Variants in WDR7 observed in about 807,000 individuals in gnomAD.
WDR7 encodes WD repeat-containing protein 7.
WDR7 carries 46 observed loss-of-function variants against 169.4 expected under a neutral mutation model. The ratio of observed to expected loss-of-function variants is 0.27; its 90% confidence interval spans 0.21 to 0.35. The LOEUF (loss-of-function observed/expected upper bound fraction) is 0.35, where lower values mean the gene tolerates loss of function less well. Among genes scored for constraint, WDR7 ranks in the 10% least tolerant of loss-of-function variants. WDR7 has a pLI of 1.00. For synonymous variants in WDR7, 612 were observed against 666.8 expected (o/e 0.92, Z 1.27); for missense variants, 1,534 against 1,859.3 (o/e 0.83, Z 3.22).
intron 1 of WDR7, among the ~76,000 whole-genome samples, chr18:56,652,561 G>A (rs1437081915): frequency 6.6e-6 from 1 of 152,160 alleles, no homozygotes; most frequent in East Asian, 1.9e-4. Context: ...ATAATGTGTT[G>A]AAATGCCCTC....
chr18:56,821,338 A>G (rs1005119646), intron 20 of WDR7, among the ~76,000 whole-genome samples: 1 of 152,210 alleles, frequency 6.6e-6, no homozygotes, highest in African/African-American at 2.4e-5. Flanking sequence ...ACTTTGAAGT[A>G]GATACTAATA....
chr18:56,823,528 G>A (rs2045139597), intron 20 of WDR7, among the ~76,000 whole-genome samples: 1 of 152,172 alleles, frequency 6.6e-6, no homozygotes, highest in Admixed American at 6.5e-5. Flanking sequence ...GGAGGTTGCA[G>A]TGAGCTGAGA....
At chr18:56,711,425 T>G (rs2026084000) in intron 12 of WDR7, among the ~76,000 whole-genome samples, 1 of 152,110 alleles carries the variant, frequency 6.6e-6, no homozygotes, top group Non-Finnish European at 1.5e-5. Context: ...AAATACATGT[T>G]TTTTCTTTGA....
intron 3 of WDR7, among the ~76,000 whole-genome samples, chr18:56,680,063 A>G (rs1159666129): frequency 6.6e-6 from 1 of 152,168 alleles, no homozygotes; most frequent in Non-Finnish European, 1.5e-5. Context: ...AGAGAATTAT[A>G]TAAGAAATTG....
At chr18:56,712,782 T>C (rs1030900309) in intron 12 of WDR7, among the ~76,000 whole-genome samples, 1 of 151,964 alleles carries the variant, frequency 6.6e-6, no homozygotes, top group Non-Finnish European at 1.5e-5. Context: ...AGTCAGTTGA[T>C]AGCAGCGGTT....
intron 19 of WDR7, among the ~76,000 whole-genome samples, chr18:56,802,828 G>A (rs909118304): frequency 6.6e-6 from 1 of 151,254 alleles, no homozygotes; most frequent in Non-Finnish European, 1.5e-5. Flanking sequence ...AGTCCAATTA[G>A]TTTTTCTTTT....
intron 21 of WDR7, among the ~76,000 whole-genome samples, chr18:56,917,872 A>G (rs539713932): frequency 3.9e-5 from 6 of 152,172 alleles, no homozygotes; most frequent in Non-Finnish European, 7.4e-5. Context: ...AAAAAGTACA[A>G]TTAAAGTTGG....
At position 56,844,382 on chromosome 18, in the gene WDR7, C is replaced by A. The variant is rs139336930; in HGVS notation, c.3304+28238C>A. Among the ~76,000 whole-genome samples, 721 of 152,178 alleles carry A rather than the reference C, an allele frequency of 4.7e-3. 7 individuals carry two copies. Among genetic ancestry groups the A allele is most frequent in the African/African-American group, 0.016 (654 of 41,524 alleles). On this transcript the variant is annotated intron_variant, in intron 20 of 27. Transcript: ENST00000254442. ...CCTATTATTAGAATAAATTTTTCCTCATTGGTATACAATTTCTCAACTTCA... is the reference window on the plus strand; with the variant it reads ...CCTATTATTAGAATAAATTTTTCCTAATTGGTATACAATTTCTCAACTTCA...
chr18:57,010,657 G>T (rs2048123452), intron 26 of WDR7, among the ~76,000 whole-genome samples: 1 of 152,000 alleles, frequency 6.6e-6, no homozygotes, highest in African/African-American at 2.4e-5. Context: ...AACATGCAAA[G>T]AAAAGACATA....
intron 20 of WDR7, among the ~76,000 whole-genome samples, chr18:56,864,751 G>A (rs1167191274): frequency 6.6e-6 from 1 of 151,786 alleles, no homozygotes; most frequent in Non-Finnish European, 1.5e-5. Flanking sequence ...ATTGAGATAT[G>A]AATAGCATTG....
chr18:56,938,560 A>G lies in WDR7; in HGVS notation c.3859A>G (p.Asn1287Asp), dbSNP rs749044915. 4 of 1,613,876 alleles carry G rather than the reference A, an allele frequency of 2.5e-6. No homozygotes were observed. Among genetic ancestry groups the G allele is most frequent in the Non-Finnish European group, 3.4e-6 (4 of 1,179,898 alleles). Reference sequence around the variant, plus strand: ...ACACAGACATACGGCTCTTGCAGCAAATACCCAATCACAGCAGAATATGCA... The same window carrying G: ...ACACAGACATACGGCTCTTGCAGCAGATACCCAATCACAGCAGAATATGCA... ...EVHRHTALAA[N>D]TQSQQNMHTT... Residue 1287 changes from asparagine to aspartate, a missense_variant, in exon 24 of 28, where the codon AAT (asparagine) becomes GAT (aspartate). By Grantham distance (23) the Asn-to-Asp change is conservative. Coordinates refer to ENST00000254442, the MANE Select transcript of WDR7 (RefSeq NM_015285.3).
At chr18:56,897,800 AAAAAG>A (rs1476957469) in intron 21 of WDR7, among the ~76,000 whole-genome samples, 3 of 152,048 alleles carry the variant, frequency 2.0e-5, no homozygotes, top group African/African-American at 7.2e-5. Flanking sequence ...ACAATTAAGG[AAAAAG>A]AAAAGGGTAG....
Position 56,681,455 on chromosome 18 carries a change from T to G in WDR7, c.345+64T>G, listed in dbSNP as rs187431598. On this transcript the variant is annotated intron_variant, in intron 4 of 27. Coordinates refer to ENST00000254442, the MANE Select transcript of WDR7 (RefSeq NM_015285.3). Reference sequence around the variant, plus strand: ...ATAAGTATATAATTTAAAATATTTTTAAAACATTGAGCCTATATTTTTATA... The same window carrying G: ...ATAAGTATATAATTTAAAATATTTTGAAAACATTGAGCCTATATTTTTATA... The G allele has an allele frequency of 8.5e-4, 908 of 1,066,590 alleles. 1 individual carries two copies. Among genetic ancestry groups the G allele is most frequent in the Non-Finnish European group, 1.0e-3 (807 of 772,920 alleles). The allele number at this position is 1,066,590 out of a possible 1,614,324, so 66.1% of individuals were successfully genotyped here.
At chr18:56,852,628 A>T (rs1009307680) in intron 20 of WDR7, among the ~76,000 whole-genome samples, 7 of 152,160 alleles carry the variant, frequency 4.6e-5, no homozygotes, top group African/African-American at 1.7e-4. Flanking sequence ...AGAATACTCA[A>T]ACTTTTAAGC....
chr18:57,001,858 A>G (rs2047985462), intron 26 of WDR7, among the ~76,000 whole-genome samples: 1 of 152,158 alleles, frequency 6.6e-6, no homozygotes, highest in African/African-American at 2.4e-5. Context: ...CTGTATTTCA[A>G]TCTGTTTCCT....
At chr18:57,017,742 ATTG>A (rs2048227916) in intron 26 of WDR7, among the ~76,000 whole-genome samples, 2 of 152,162 alleles carry the variant, frequency 1.3e-5, no homozygotes, top group South Asian at 4.1e-4. Context: ...TTATGTAATT[ATTG>A]TTACATGATA....
chr18:56,651,744 CG>C (rs752912261), intron 1 of WDR7, 168 bp downstream of exon 1: 1 of 152,376 alleles, frequency 6.6e-6, no homozygotes, highest in Non-Finnish European at 1.5e-5. Flanking sequence ...CAAAAGTAGG[CG>C]CCGTTACCAA....
In WDR7 at chr18:56,794,304, A is replaced by ATTTTTTTTTTTTTTTTTTTTTT; in HGVS notation, c.3190+12650_3190+12671dup. ...GTTTGTGTCTTAAAAGGTAAAGTCTATTTTTTTTTTTTTTTTTTTTTTTGA... is the reference window on the plus strand; with the variant it reads ...GTTTGTGTCTTAAAAGGTAAAGTCTATTTTTTTTTTTTTTTTTTTTTTTTTTTTTTTTTTTTTTTTTTTTTGA... On this transcript the variant is annotated intron_variant, in intron 19 of 27. Coordinates refer to ENST00000254442, the MANE Select transcript of WDR7 (RefSeq NM_015285.3). Among the ~76,000 whole-genome samples the ATTTTTTTTTTTTTTTTTTTTTT allele has an allele frequency of 3.8e-3, 189 of 49,458 alleles. 71 individuals are homozygous for ATTTTTTTTTTTTTTTTTTTTTT. Among genetic ancestry groups the ATTTTTTTTTTTTTTTTTTTTTT allele is most frequent in the Non-Finnish European group, 5.7e-3 (150 of 26,186 alleles). The allele number at this position is 49,458 out of a possible 152,430, so 32.4% of individuals were successfully genotyped here.
At chr18:56,896,173 AAG>A (rs1466953843) in intron 21 of WDR7, among the ~76,000 whole-genome samples, 1 of 151,832 alleles carries the variant, frequency 6.6e-6, no homozygotes, top group Non-Finnish European at 1.5e-5. Context: ...ATCTTACTGA[AAG>A]AGATTTTGAA....
Sources: gnomAD v4.1 joint callset for allele counts (sites outside exome capture counted in the v4.1 genomes callset) on GRCh38, gnomAD v4.1.1 for gene constraint, MANE v1.5 for transcripts, NCBI Gene and HGNC (gene_info 2026-07-23, HGNC 2026-07-21) for gene names.